Variants in DAB1 observed in about 807,000 individuals in gnomAD.
The protein encoded by DAB1 is DAB adaptor protein 1, also known as disabled homolog 1.
In DAB1, 15 loss-of-function variants were observed where a neutral mutation model predicts 64.6. That is an observed-to-expected ratio of 0.23 (90% CI 0.16 to 0.36). The LOEUF is 0.36. Among genes scored for constraint, DAB1 ranks in the 10% least tolerant of loss-of-function variants. DAB1 has a pLI of 1.00. For synonymous variants in DAB1, 235 were observed against 251.9 expected (o/e 0.93, Z 0.64); for missense variants, 596 against 706.7 (o/e 0.84, Z 1.78).
chr1:58,315,859 CT>C (rs1345395779), intron 4 of DAB1, among the ~76,000 whole-genome samples: 2 of 152,132 alleles, frequency 1.3e-5, no homozygotes, highest in Non-Finnish European at 2.9e-5. Flanking sequence ...CTGACTTTTT[CT>C]TTAATATTAT....
At chr1:57,292,723 C>T (rs775876270) in intron 1 of DAB1, among the ~76,000 whole-genome samples, 4 of 151,966 alleles carry the variant, frequency 2.6e-5, no homozygotes, top group Non-Finnish European at 4.4e-5. Context: ...TGTTAACAGA[C>T]ATTTACCATG....
At chr1:58,431,844 G>C (rs988763252) in intron 3 of DAB1, among the ~76,000 whole-genome samples, 3 of 152,034 alleles carry the variant, frequency 2.0e-5, no homozygotes, top group African/African-American at 7.2e-5. Context: ...CCCCTTGCTG[G>C]GGAGACAGAT....
chr1:57,609,913 C>T (rs1022871024), intron 7 of DAB1, among the ~76,000 whole-genome samples: 4 of 152,088 alleles, frequency 2.6e-5, no homozygotes, highest in Admixed American at 6.6e-5. Context: ...ATAACATACT[C>T]GACAAATAGA....
chr1:58,497,583 A>G (rs1006053674), intron 3 of DAB1, among the ~76,000 whole-genome samples: 8 of 150,912 alleles, frequency 5.3e-5, no homozygotes, highest in Middle Eastern at 3.4e-3. Context: ...TATTTTGGGC[A>G]ATAGCAGACA....
chr1:57,062,744 C>T (rs1557653426), intron 9 of DAB1, 140 bp downstream of exon 9: 1 of 700,958 alleles, frequency 1.4e-6, no homozygotes, highest in South Asian at 1.9e-5. Context: ...ACTGAAGATG[C>T]CCCAGCATGC....
chr1:57,343,414 A>G (rs1677803231), intron 1 of DAB1, among the ~76,000 whole-genome samples: 4 of 152,220 alleles, frequency 2.6e-5, no homozygotes, highest in Admixed American at 2.6e-4. Context: ...CCAGGGCCAC[A>G]GGTGGAGCTG....
upstream of DAB1, among the ~76,000 whole-genome samples, chr1:57,887,223 T>C (rs778221021): frequency 1.1e-4 from 17 of 152,190 alleles, no homozygotes; most frequent in Non-Finnish European, 2.2e-4. Flanking sequence ...TACCCAGTTG[T>C]TTTGTACCAC....
At chr1:57,797,951 T>G (rs1650948101) in intron 6 of DAB1, among the ~76,000 whole-genome samples, 1 of 152,236 alleles carries the variant, frequency 6.6e-6, no homozygotes, top group Non-Finnish European at 1.5e-5. Flanking sequence ...GTTTATTATG[T>G]GCTTAGCATG....
chr1:58,220,991 A>ATTT (rs10714614), intron 4 of DAB1, among the ~76,000 whole-genome samples: 62 of 122,148 alleles, frequency 5.1e-4, no homozygotes, highest in African/African-American at 1.7e-3. Flanking sequence ...TATGAGATTG[A>ATTT]TTTTTTTTTT....
intron 1 of DAB1, among the ~76,000 whole-genome samples, chr1:57,858,123 C>A (rs1653843159): frequency 6.6e-6 from 1 of 151,960 alleles, no homozygotes; most frequent in South Asian, 2.1e-4. Context: ...TGAATGGGTT[C>A]CTTCTGTGGA....
At chr1:57,886,357 C>T (rs1414629355), upstream of DAB1, among the ~76,000 whole-genome samples, 1 of 152,106 alleles carries the variant, frequency 6.6e-6, no homozygotes, top group Admixed American at 6.5e-5. Flanking sequence ...CTGGGTTTCG[C>T]TATGTTGGCC....
intron 3 of DAB1, among the ~76,000 whole-genome samples, chr1:58,499,035 T>C (rs115469084): frequency 1.3e-4 from 20 of 152,238 alleles, no homozygotes; most frequent in African/African-American, 4.6e-4. Context: ...CATTTTATAA[T>C]CAACCATTCC....
chr1:57,620,635 G>A (rs1281360119), intron 7 of DAB1, among the ~76,000 whole-genome samples: 1 of 152,208 alleles, frequency 6.6e-6, no homozygotes, highest in Non-Finnish European at 1.5e-5. Context: ...GTGGCACAGT[G>A]CCAGGCACCC....
chr1:58,302,052 T>C (rs1166061085), intron 4 of DAB1, among the ~76,000 whole-genome samples: 3 of 152,096 alleles, frequency 2.0e-5, no homozygotes, highest in Non-Finnish European at 4.4e-5. Context: ...AGCTTAATGA[T>C]AGAGAAATTG....
chr1:57,365,044 T>G (rs1037920422), intron 1 of DAB1, among the ~76,000 whole-genome samples: 3 of 136,902 alleles, frequency 2.2e-5, no homozygotes, highest in Non-Finnish European at 4.7e-5. Flanking sequence ...TGTTCATAAA[T>G]CATCCACATA....
intron 6 of DAB1, among the ~76,000 whole-genome samples, chr1:57,808,575 TG>T (rs1207317366): frequency 2.6e-5 from 4 of 152,190 alleles, no homozygotes; most frequent in African/African-American, 9.7e-5. Flanking sequence ...AAGATTAAAA[TG>T]TATGAAACAA....
At chr1:57,470,215 C>G (rs2101203929) in intron 7 of DAB1, among the ~76,000 whole-genome samples, 1 of 152,294 alleles carries the variant, frequency 6.6e-6, no homozygotes, top group East Asian at 1.9e-4. Context: ...AAACCTGACT[C>G]CAGTGCATGC....
intron 1 of DAB1, among the ~76,000 whole-genome samples, chr1:57,374,256 C>T: frequency 6.6e-6 from 1 of 152,090 alleles, no homozygotes; most frequent in East Asian, 1.9e-4. Flanking sequence ...AACAAAACAT[C>T]TTAAGAATAG....
At chr1:58,314,545 C>A (rs886755674) in intron 4 of DAB1, among the ~76,000 whole-genome samples, 1 of 152,160 alleles carries the variant, frequency 6.6e-6, no homozygotes, top group African/African-American at 2.4e-5. Flanking sequence ...TATTTACTCA[C>A]TCTCCCAGCA....
Sources: gnomAD v4.1 joint callset for allele counts (sites outside exome capture counted in the v4.1 genomes callset) on GRCh38, gnomAD v4.1.1 for gene constraint, MANE v1.5 for transcripts, NCBI Gene and HGNC (gene_info 2026-07-23, HGNC 2026-07-21) for gene names.